FOXP2: variants seen among roughly 807,000 people sequenced by gnomAD.
The protein encoded by FOXP2 is forkhead box protein P2.
Under a neutral mutation model 115.8 loss-of-function variants are expected in FOXP2, and 12 were observed. The observed-to-expected ratio is 0.10, with a 90% confidence interval of 0.07 to 0.17. The LOEUF is 0.17. Ranked by LOEUF, FOXP2 falls within the 10% of genes least tolerant of loss-of-function variation. FOXP2 has a pLI of 1.00. For missense variants in FOXP2, 629 were observed against 843.5 expected (o/e 0.75, Z 3.15); for synonymous variants, 328 against 297.7 (o/e 1.10, Z -1.05).
intron 3 of FOXP2, among the ~76,000 whole-genome samples, chr7:114,552,772 A>G (rs975730723): frequency 6.6e-6 from 1 of 152,132 alleles, no homozygotes; most frequent in Non-Finnish European, 1.5e-5. Flanking sequence ...GTGTTCAATT[A>G]TATATGTAAG....
At chr7:114,220,765 C>T (rs945365773) in intron 1 of FOXP2, among the ~76,000 whole-genome samples, 3 of 152,166 alleles carry the variant, frequency 2.0e-5, no homozygotes, top group African/African-American at 7.2e-5. Context: ...TAAATACTCA[C>T]TTTAATTGAG....
At chr7:114,421,576 ATACT>A (rs1367475667) in intron 1 of FOXP2, among the ~76,000 whole-genome samples, 1 of 151,716 alleles carries the variant, frequency 6.6e-6, no homozygotes, top group Non-Finnish European at 1.5e-5. Flanking sequence ...GTAGTAACAA[ATACT>A]TAATAAACAA....
chr7:114,184,251 C>A (rs931539062), intron 1 of FOXP2, among the ~76,000 whole-genome samples: 1 of 152,028 alleles, frequency 6.6e-6, no homozygotes, highest in African/African-American at 2.4e-5. Context: ...TGACAGCAAC[C>A]TCCTAAGGCA....
chr7:114,675,878 A>G (rs535902718), intron 16 of FOXP2, among the ~76,000 whole-genome samples: 48 of 151,606 alleles, frequency 3.2e-4, no homozygotes, highest in Non-Finnish European at 6.6e-4. Flanking sequence ...TCATAGGATT[A>G]TACACATTTT....
chr7:114,278,398 C>G (rs1796245839), intron 1 of FOXP2, among the ~76,000 whole-genome samples: 1 of 151,874 alleles, frequency 6.6e-6, no homozygotes, highest in Non-Finnish European at 1.5e-5. Flanking sequence ...CTCTGTCACC[C>G]AGGCTGGAGT....
intron 1 of FOXP2, among the ~76,000 whole-genome samples, chr7:114,279,158 A>C (rs995104736): frequency 6.6e-6 from 1 of 152,182 alleles, no homozygotes; most frequent in African/African-American, 2.4e-5. Flanking sequence ...AACAAATACC[A>C]TATCCTGGAT....
chr7:114,272,690 C>G (rs1796096254), intron 1 of FOXP2, among the ~76,000 whole-genome samples: 1 of 151,742 alleles, frequency 6.6e-6, no homozygotes, highest in Non-Finnish European at 1.5e-5. Context: ...GTCTTTCAGA[C>G]TTTCATCCAT....
intron 2 of FOXP2, among the ~76,000 whole-genome samples, chr7:114,310,745 A>G (rs940455190): frequency 6.6e-6 from 1 of 152,090 alleles, no homozygotes; most frequent in Non-Finnish European, 1.5e-5. Flanking sequence ...ACATCTCTTT[A>G]TCGCCTGTCT....
chr7:114,134,489 G>A (rs1434253474), intron 1 of FOXP2, among the ~76,000 whole-genome samples: 1 of 151,896 alleles, frequency 6.6e-6, no homozygotes, highest in Admixed American at 6.6e-5. Flanking sequence ...CGAGGCGGGC[G>A]GATCACGAGG....
chr7:114,281,710 TAAAACTGACTG>T (rs1375280684), intron 1 of FOXP2, among the ~76,000 whole-genome samples: 1 of 152,194 alleles, frequency 6.6e-6, no homozygotes, highest in African/African-American at 2.4e-5. Flanking sequence ...TTTATAAATA[TAAAACTGACTG>T]AAAACACAAT....
intron 3 of FOXP2, among the ~76,000 whole-genome samples, chr7:114,580,821 G>T (rs926810861): frequency 3.3e-5 from 5 of 152,166 alleles, no homozygotes; most frequent in African/African-American, 1.2e-4. Flanking sequence ...TTTGAGAAGT[G>T]GGATATCTGC....
intron 3 of FOXP2, among the ~76,000 whole-genome samples, chr7:114,620,057 T>C (rs1214291499): frequency 6.6e-6 from 1 of 152,024 alleles, no homozygotes; most frequent in Non-Finnish European, 1.5e-5. Context: ...TAAAAATTGC[T>C]AGCAATTTTT....
intron 3 of FOXP2, among the ~76,000 whole-genome samples, chr7:114,560,293 T>G (rs1800699960): frequency 6.6e-6 from 1 of 152,102 alleles, no homozygotes; most frequent in Non-Finnish European, 1.5e-5. Context: ...ATTTTAGGGA[T>G]GGAAGAATAT....
chr7:114,435,192 G>A (rs1483289838), intron 2 of FOXP2, among the ~76,000 whole-genome samples: 1 of 152,124 alleles, frequency 6.6e-6, no homozygotes, highest in African/African-American at 2.4e-5. Context: ...CCAGCCTTCA[G>A]TACAGAAGAT....
intron 2 of FOXP2, among the ~76,000 whole-genome samples, chr7:114,383,332 A>G (rs1457953517): frequency 6.6e-6 from 1 of 151,718 alleles, no homozygotes; most frequent in Non-Finnish European, 1.5e-5. Flanking sequence ...ACTGCTTGGA[A>G]GGGGCATAAT....
intron 2 of FOXP2, among the ~76,000 whole-genome samples, chr7:114,472,842 T>C (rs906473074): frequency 3.9e-5 from 6 of 152,168 alleles, no homozygotes; most frequent in Non-Finnish European, 7.3e-5. Context: ...TGTGTGAGTG[T>C]GTGTGTGGGT....
chr7:114,288,021 C>G, exon 2 of FOXP2: 3 of 450,206 alleles, frequency 6.7e-6, no homozygotes, highest in Admixed American at 2.4e-5. Context: ...ATTAACAGGT[C>G]TACTCTAATG....
chr7:114,267,316 A>C (rs190072226), intron 1 of FOXP2, among the ~76,000 whole-genome samples: 1 of 152,312 alleles, frequency 6.6e-6, no homozygotes, highest in East Asian at 1.9e-4. Flanking sequence ...CCAAATTCAA[A>C]GAACATCTTC....
chr7:114,604,701 C>G (rs1455156977), intron 3 of FOXP2, among the ~76,000 whole-genome samples: 1 of 152,074 alleles, frequency 6.6e-6, no homozygotes, highest in Non-Finnish European at 1.5e-5. Context: ...TTTATAATGC[C>G]TCTATTTGCT....
Sources: gnomAD v4.1 joint callset for allele counts (sites outside exome capture counted in the v4.1 genomes callset) on GRCh38, gnomAD v4.1.1 for gene constraint, MANE v1.5 for transcripts, NCBI Gene and HGNC (gene_info 2026-07-23, HGNC 2026-07-21) for gene names.